MBD5: variants seen among roughly 807,000 people sequenced by gnomAD.
MBD5 encodes the protein methyl-CpG binding domain protein 5, also known as methyl-CpG-binding domain protein 5.
A neutral mutation model predicts 117.3 loss-of-function variants in MBD5; 13 were observed. The observed-to-expected ratio is 0.11, with a 90% CI of 0.07 to 0.18. The LOEUF (loss-of-function observed/expected upper bound fraction) is 0.18. Among genes scored for constraint, MBD5 ranks in the 10% least tolerant of loss-of-function variants. The pLI is 1.00. For missense variants in MBD5, 1,879 were observed against 2,093.8 expected, an observed-to-expected ratio of 0.90 and a Z score of 2.00; for synonymous variants, 727 against 766.4, an observed-to-expected ratio of 0.95 and a Z score of 0.85.
chr2:148,385,174 G>A (rs1260397770), intron 4 of MBD5, among the ~76,000 whole-genome samples: 2 of 152,056 alleles, frequency 1.3e-5, no homozygotes, highest in Non-Finnish European at 2.9e-5. Flanking sequence ...GAGTGAACAG[G>A]CAACCTACAG....
At chr2:148,250,247 T>C (rs1453639610) in intron 3 of MBD5, among the ~76,000 whole-genome samples, 1 of 152,014 alleles carries the variant, frequency 6.6e-6, no homozygotes, top group Non-Finnish European at 1.5e-5. Context: ...CACTTATAAG[T>C]GGGCACTAAA....
At chr2:148,364,165 C>T (rs1475589280) in intron 4 of MBD5, among the ~76,000 whole-genome samples, 2 of 152,146 alleles carry the variant, frequency 1.3e-5, no homozygotes, top group Admixed American at 1.3e-4. Context: ...ACCCTACAAG[C>T]CAGAAAAGAG....
intron 1 of MBD5, among the ~76,000 whole-genome samples, chr2:148,126,895 A>T (rs961251382): frequency 2.0e-5 from 3 of 152,048 alleles, no homozygotes; most frequent in Admixed American, 6.6e-5. Flanking sequence ...AATTAAAAAT[A>T]TGTAAGATGT....
chr2:148,404,793 T>A (rs1176769291), intron 4 of MBD5, among the ~76,000 whole-genome samples: 1 of 152,214 alleles, frequency 6.6e-6, no homozygotes, highest in Admixed American at 6.5e-5. Flanking sequence ...GACCCTTATT[T>A]TTCCAGGTTG....
In MBD5 at chr2:148,505,411, T is replaced by C. The variant is rs1682001506; in HGVS notation, c.5036+2902T>C. ...AGTAGGCTAAGGATTGAACATGCAA[T>C]AGAATGAAGAAGATGGGAAGAATGG... On this transcript the variant is annotated intron_variant, in intron 12 of 13. Coordinates refer to ENST00000642680, the MANE Select transcript of MBD5 (RefSeq NM_001378120.1). Among the ~76,000 whole-genome samples the C allele has an allele frequency of 2.6e-5, 4 of 152,110 alleles. 1 individual carries two copies. In the South Asian group the frequency reaches 8.3e-4, roughly 32 times the overall value.
rs1189810505 is a variant in MBD5 at position 148,384,815 on chromosome 2, A to G, written c.-557+42479A>G. On this transcript the variant is annotated intron_variant, in intron 4 of 13. Coordinates refer to ENST00000642680, the MANE Select transcript of MBD5 (RefSeq NM_001378120.1). ...CCCTCAGAAGTAATGCCACATATCT[A>G]CAACCATCTGATCTTTGACAAACCT... Among the ~76,000 whole-genome samples the G allele has an allele frequency of 2.0e-5, 3 of 152,054 alleles. No individual in the cohort carries two copies. In the East Asian group the frequency reaches 5.8e-4, roughly 29 times the overall value.
At chr2:148,023,821 C>T (rs956241795) in intron 1 of MBD5, among the ~76,000 whole-genome samples, 7 of 151,568 alleles carry the variant, frequency 4.6e-5, no homozygotes, top group African/African-American at 1.5e-4. Context: ...CCCCATGATC[C>T]TTTATGGTTA....
chr2:148,463,879 A>G lies in MBD5; in HGVS notation c.357A>G (p.Pro119=), dbSNP rs1457121700. ...CACTTCATAAAAGCATGGAAGCCCC[A>G]CATCCTTCTCTGGTGCTCACCAGTC... is the stretch of plus-strand genomic sequence containing the variant. ...VATLHKSMEA[P]HPSLVLTSPG... is the part of the protein sequence containing the mutation. Residue 119 remains proline (P), a synonymous_variant, in exon 7 of 14, where the codon CCA becomes CCG. Coordinates refer to ENST00000642680, the MANE Select transcript of MBD5 (RefSeq NM_001378120.1). 3 of 1,613,714 alleles carry G rather than the reference A, an allele frequency of 1.9e-6. No homozygotes were observed. The highest frequency in any genetic ancestry group is 2.5e-6 in the Non-Finnish European group (3 of 1,179,738).
At chr2:148,495,797 C>G (rs1427554604) in intron 11 of MBD5, among the ~76,000 whole-genome samples, 2 of 152,144 alleles carry the variant, frequency 1.3e-5, no homozygotes, top group Non-Finnish European at 2.9e-5. Flanking sequence ...ACCAACAAAA[C>G]TTATCTTTAT....
At position 148,353,828 on chromosome 2, in the gene MBD5, A is replaced by G. The variant is rs187631351; in HGVS notation, c.-557+11492A>G. ...ACTCCTAACCTCAAGTGATCTGCCCACCTCAGCCTCCCAGAATTCTGGGAT... is the reference window on the plus strand; with the variant it reads ...ACTCCTAACCTCAAGTGATCTGCCCGCCTCAGCCTCCCAGAATTCTGGGAT... On this transcript the variant is annotated intron_variant, in intron 4 of 13. Coordinates refer to ENST00000642680, the MANE Select transcript of MBD5 (RefSeq NM_001378120.1). 3.6e-3 allele frequency among the ~76,000 whole-genome samples: 548 copies of G among 152,062 alleles called. 4 individuals are homozygous for G. Among genetic ancestry groups the G allele is most frequent in the African/African-American group, 0.011 (441 of 41,494 alleles).
At chr2:148,129,781 C>G (rs1179132217) in intron 1 of MBD5, among the ~76,000 whole-genome samples, 1 of 152,090 alleles carries the variant, frequency 6.6e-6, no homozygotes, top group Non-Finnish European at 1.5e-5. Flanking sequence ...ATATAGTTCA[C>G]TGAATAAGTG....
At chr2:148,480,287 G>A (rs1681109658) in intron 8 of MBD5, among the ~76,000 whole-genome samples, 1 of 151,974 alleles carries the variant, frequency 6.6e-6, no homozygotes, top group Non-Finnish European at 1.5e-5. Flanking sequence ...GAGCTTTTAT[G>A]TTATCCCAAA....
At chr2:148,262,051 T>C (rs200428718) in intron 3 of MBD5, among the ~76,000 whole-genome samples, 3 of 152,292 alleles carry the variant, frequency 2.0e-5, no homozygotes, top group East Asian at 3.9e-4. Context: ...ACAAGGTCAC[T>C]GATCACGGAT....
At chr2:148,373,336 G>A (rs951907057) in intron 4 of MBD5, among the ~76,000 whole-genome samples, 4 of 151,976 alleles carry the variant, frequency 2.6e-5, no homozygotes, top group Admixed American at 6.6e-5. Flanking sequence ...TGGTAGCATT[G>A]CATTACAGTG....
At chr2:148,512,415 T>G (rs916681349) in intron 13 of MBD5, among the ~76,000 whole-genome samples, 1 of 152,176 alleles carries the variant, frequency 6.6e-6, no homozygotes, top group Admixed American at 6.5e-5. Context: ...CCCTTCCTAG[T>G]CATTGTAAAA....
intron 2 of MBD5, among the ~76,000 whole-genome samples, chr2:148,197,757 T>G (rs1001636913): frequency 6.6e-6 from 1 of 151,920 alleles, no homozygotes; most frequent in African/African-American, 2.4e-5. Context: ...TTAGGCACTA[T>G]TCTTTGGAGT....
At chr2:148,305,971 T>A (rs1559014534) in intron 3 of MBD5, among the ~76,000 whole-genome samples, 1 of 152,230 alleles carries the variant, frequency 6.6e-6, no homozygotes, top group Non-Finnish European at 1.5e-5. Context: ...ACAAAATAAA[T>A]CTAGTGTCAT....
rs372376274 is a variant in MBD5 at position 148,323,136 on chromosome 2, A to G, written c.-679-19078A>G. On this transcript the variant is annotated intron_variant, in intron 3 of 13. Transcript: ENST00000642680. The stretch of plus-strand genomic sequence containing the variant: ...TTGCGATAGTTTACTGAGAATGATG[A>G]TTTCCAATTTCATCCATGTCCCTAC... 8.6e-4 allele frequency among the ~76,000 whole-genome samples: 130 copies of G among 151,788 alleles called. 1 individual carries two copies. Among genetic ancestry groups the G allele is most frequent in the East Asian group, 2.9e-3 (15 of 5,144 alleles).
At chr2:148,436,585 T>C (rs1366294749) in intron 4 of MBD5, among the ~76,000 whole-genome samples, 1 of 152,000 alleles carries the variant, frequency 6.6e-6, no homozygotes, top group Non-Finnish European at 1.5e-5. Flanking sequence ...TTGGTTAGGC[T>C]GGTCTCGAAC....
Sources: allele counts gnomAD v4.1 joint callset (sites outside exome capture counted in the v4.1 genomes callset), GRCh38; gene constraint gnomAD v4.1.1; transcripts MANE v1.5; gene names NCBI Gene and HGNC (gene_info 2026-07-23, HGNC 2026-07-21).